Variants in SARDH observed in about 807,000 individuals in gnomAD.
SARDH encodes the protein sarcosine dehydrogenase, mitochondrial.
In SARDH, 95 loss-of-function variants were observed where a neutral mutation model predicts 109.1. That is an observed-to-expected ratio of 0.87 (90% confidence interval 0.74 to 1.03). SARDH has a LOEUF of 1.03. Among genes scored for constraint, SARDH ranks in the 50% least tolerant of loss-of-function variants. The pLI is 0.00. For missense variants in SARDH, 1,267 were observed against 1,287.8 expected, an observed-to-expected ratio of 0.98 and a Z score of 0.25; for synonymous variants, 572 against 534.8, an observed-to-expected ratio of 1.07 and a Z score of -0.96.
intron 1 of SARDH, among the ~76,000 whole-genome samples, chr9:133,734,441 T>A (rs889174463): frequency 7.4e-6 from 1 of 134,432 alleles, no homozygotes; most frequent in Non-Finnish European, 1.7e-5. Flanking sequence ...ATTCATTCAC[T>A]CATTCATTCA....
chr9:133,698,233 T>C (rs1047253960), intron 13 of SARDH, among the ~76,000 whole-genome samples: 1 of 152,126 alleles, frequency 6.6e-6, no homozygotes, highest in Admixed American at 6.5e-5. Context: ...CCCAAACTTA[T>C]ATCCTAAAAT....
chr9:133,731,260 A>C (rs371440617), intron 4 of SARDH, 45 bp downstream of exon 4: 91 of 1,603,878 alleles, frequency 5.7e-5, no homozygotes, highest in Middle Eastern at 3.4e-4. Flanking sequence ...AGGCAGGAGG[A>C]GTGGGCTGGG....
chr9:133,736,835 G>A (rs921235557), intron 1 of SARDH, among the ~76,000 whole-genome samples: 6 of 152,348 alleles, frequency 3.9e-5, no homozygotes, highest in African/African-American at 1.4e-4. Context: ...ATGTGGCTGT[G>A]ATCCAAGATG....
chr9:133,732,857 T>C (rs3824568), intron 2 of SARDH, among the ~76,000 whole-genome samples: 2,450 of 152,264 alleles, frequency 0.016, 59 homozygotes, highest in East Asian at 0.086. Context: ...GCACCTACTG[T>C]GTGCCAAGCC....
Position 133,680,481 on chromosome 9 carries a change from G to A in SARDH, c.2163+4712C>T, listed in dbSNP as rs129949. Among the ~76,000 whole-genome samples the A allele has an allele frequency of 2.9e-3, 435 of 152,334 alleles. 3 individuals are homozygous for A. The highest frequency in any genetic ancestry group is 4.8e-3 in the Non-Finnish European group (326 of 68,028). ...CCAGGCTGGGGCCACCTGGGAGCGC[G>A]TGGCCCTGGCCACTTTGAGGGACAG... On this transcript the variant is annotated intron_variant, in intron 17 of 20. Coordinates refer to ENST00000439388, the MANE Select transcript of SARDH (RefSeq NM_001134707.2).
intron 17 of SARDH, among the ~76,000 whole-genome samples, chr9:133,677,776 C>A (rs1270761354): frequency 1.3e-5 from 2 of 152,182 alleles, no homozygotes; most frequent in Non-Finnish European, 2.9e-5. Flanking sequence ...CTGTTCCCAG[C>A]CAGTTGGCCT....
At position 133,734,396 on chromosome 9, in the gene SARDH, CTCATTCATTCACTCAT is replaced by C. The variant is rs1220963373; in HGVS notation, c.-30-209_-30-194del. Among the ~76,000 whole-genome samples the C allele has an allele frequency of 1.6e-3, 201 of 128,682 alleles. 1 individual carries two copies. The highest frequency in any genetic ancestry group is 7.4e-3 in the East Asian group (36 of 4,864). The allele number at this position is 128,682 out of a possible 152,430, so 84.4% of individuals were successfully genotyped here. A position where few individuals can be genotyped will look rare whatever the true frequency, so the allele number is the denominator to read the frequency against. On this transcript the variant is annotated intron_variant, in intron 1 of 20. Coordinates refer to ENST00000439388, the MANE Select transcript of SARDH (RefSeq NM_001134707.2). The stretch of plus-strand genomic sequence containing the variant: ...ATTCATTCACTCATTCATTCATTCA[CTCATTCATTCACTCAT>C]TCATTCATTCATTCACTCATTCATT...
rs374622123 is a variant in SARDH at position 133,733,956 on chromosome 9, C to T, written c.218G>A (p.Gly73Asp). The T allele has an allele frequency of 1.4e-5, 23 of 1,608,384 alleles. No individual in the cohort carries two copies. The highest frequency in any genetic ancestry group is 1.9e-5 in the Non-Finnish European group (22 of 1,177,508). The change falls in exon 2 of 21, where the codon GGT (glycine) becomes GAT (aspartate). Residue 73 changes from glycine to aspartate, a missense_variant. Gly to Asp is a moderately conservative substitution (Grantham distance 94, BLOSUM62 -1). Coordinates refer to ENST00000439388, the MANE Select transcript of SARDH (RefSeq NM_001134707.2). ...GGTCTGGCAGCCCAAGCTGCCTCCA[C>T]CAATGACCACCACGTTGGCCGTGCT... ...LPSTANVVVIGGGSLGCQTLY... is the reference protein window; with the variant it reads ...LPSTANVVVIDGGSLGCQTLY...
chr9:133,698,754 G>A lies in SARDH; in HGVS notation c.1669-2393C>T, dbSNP rs146156440. ...AGAACGTGGCTGGACCCGACCTCAC[G>A]CCATGCAAAAAAAATTAATTTTCAT... On this transcript the variant is annotated intron_variant, in intron 13 of 20. Coordinates refer to ENST00000439388, the MANE Select transcript of SARDH (RefSeq NM_001134707.2). Among the ~76,000 whole-genome samples the A allele has an allele frequency of 2.6e-3, 402 of 152,190 alleles. 1 individual carries two copies. Among genetic ancestry groups the A allele is most frequent in the Non-Finnish European group, 4.7e-3 (321 of 68,026 alleles).
downstream of SARDH, among the ~76,000 whole-genome samples, chr9:133,663,115 G>C (rs1367170833): frequency 1.3e-5 from 2 of 152,192 alleles, no homozygotes; most frequent in African/African-American, 2.4e-5. Context: ...TAGAAAGGGG[G>C]ACTCCACCAG....
At position 133,686,265 on chromosome 9, in the gene SARDH, G is replaced by A. The variant is rs146232723; in HGVS notation, c.2070-979C>T. ...TGCGCAAGTACCGGAGACCTCACTG[G>A]AGCCAACACCCATGGTCTCCCAGGA... On this transcript the variant is annotated intron_variant, in intron 16 of 20. Coordinates refer to ENST00000439388, the MANE Select transcript of SARDH (RefSeq NM_001134707.2). This position sits in a 1 kb window ranked among gnomAD's most constrained non-coding sequence, Gnocchi z 4.0. Among the ~76,000 whole-genome samples the A allele has an allele frequency of 1.1e-4, 17 of 152,114 alleles. No homozygotes were observed. The highest frequency in any genetic ancestry group is 3.4e-3 in the Middle Eastern group (1 of 294).
chr9:133,671,762 C>T, intron 17 of SARDH, 65 bp from the exon 18 acceptor site: 1 of 1,499,790 alleles, frequency 6.7e-7, no homozygotes, highest in Non-Finnish European at 9.0e-7. Context: ...GCCCAGGCCA[C>T]CACTTCCTGG....
chr9:133,693,122 T>C lies in SARDH; in HGVS notation c.1921+1136A>G, dbSNP rs967492451. The stretch of plus-strand genomic sequence containing the variant: ...ATTTTTCCTCTTGACCCATCTAACA[T>C]CCTACACCTTCCACTTATTTTATTT... On this transcript the variant is annotated intron_variant, in intron 15 of 20. Transcript: ENST00000439388. This position sits in a 1 kb window ranked among gnomAD's most constrained non-coding sequence, Gnocchi z 5.6. Among the ~76,000 whole-genome samples, 1 of 149,378 alleles carries C rather than the reference T, an allele frequency of 6.7e-6. No individual in the cohort carries two copies. The highest frequency in any genetic ancestry group is 2.5e-5 in the African/African-American group (1 of 40,436).
chr9:133,671,424 C>T (rs564343034), intron 18 of SARDH, 111 bp downstream of exon 18: 16 of 1,326,504 alleles, frequency 1.2e-5, no homozygotes, highest in Admixed American at 8.2e-5. Context: ...AGAAGGAAGC[C>T]GGGTGACAAC....
intron 19 of SARDH, among the ~76,000 whole-genome samples, chr9:133,667,813 T>A (rs1474593693): frequency 1.3e-5 from 2 of 152,108 alleles, no homozygotes; most frequent in Non-Finnish European, 2.9e-5. Context: ...GAAGGAGGTT[T>A]CGTAAACATC....
intron 16 of SARDH, among the ~76,000 whole-genome samples, chr9:133,687,767 A>G (rs1218713637): frequency 6.6e-6 from 1 of 152,230 alleles, no homozygotes. Flanking sequence ...TCCATTGTCC[A>G]GTAGGTGTGC....
intron 10 of SARDH, among the ~76,000 whole-genome samples, chr9:133,711,896 G>T (rs1831934104): frequency 6.6e-6 from 1 of 152,178 alleles, no homozygotes. Flanking sequence ...CCACCGCCAT[G>T]AGGACGAGAC....
At chr9:133,721,962 A>G (rs1832340783) in intron 6 of SARDH, among the ~76,000 whole-genome samples, 1 of 152,134 alleles carries the variant, frequency 6.6e-6, no homozygotes, top group Non-Finnish European at 1.5e-5. Flanking sequence ...CTAAAAATAC[A>G]AAAATCAGCT....
At chr9:133,710,532 G>A (rs1315987673) in intron 10 of SARDH, among the ~76,000 whole-genome samples, 6 of 152,374 alleles carry the variant, frequency 3.9e-5, no homozygotes, top group East Asian at 3.9e-4. Flanking sequence ...GACGACCCAC[G>A]CGTGTTCTGG....
Sources: allele counts gnomAD v4.1 joint callset (sites outside exome capture counted in the v4.1 genomes callset), GRCh38; gene constraint gnomAD v4.1.1; non-coding constraint Gnocchi (gnomAD v3.1); transcripts MANE v1.5; gene names NCBI Gene and HGNC (gene_info 2026-07-23, HGNC 2026-07-21).